The following PKHD1 variants were observed in gnomAD, a reference collection of about 807,000 sequenced individuals.
The protein encoded by PKHD1 is PKHD1 ciliary IPT domain containing fibrocystin/polyductin, also known as fibrocystin.
A neutral mutation model predicts 412.0 loss-of-function variants in PKHD1; 291 were observed. That is an observed-to-expected ratio of 0.71 (90% CI 0.64 to 0.78). The LOEUF (loss-of-function observed/expected upper bound fraction) is 0.78, where lower values mean the gene tolerates loss of function less well. PKHD1 is among the 30% of genes least tolerant of loss of function. PKHD1 has a pLI of 0.00. For synonymous variants in PKHD1, 1,777 were observed against 1,821.5 expected, an observed-to-expected ratio of 0.98 and a Z score of 0.62; for missense variants, 4,825 against 4,950.7, an observed-to-expected ratio of 0.97 and a Z score of 0.76.
At chr6:51,671,807 G>A (rs548612419) in intron 60 of PKHD1, among the ~76,000 whole-genome samples, 8 of 152,258 alleles carry the variant, frequency 5.3e-5, no homozygotes, top group South Asian at 4.1e-4. Context: ...GTACCCGCCC[G>A]TGTGAGGTGT....
intron 60 of PKHD1, among the ~76,000 whole-genome samples, chr6:51,668,968 T>C (rs1284153281): frequency 6.6e-6 from 1 of 152,254 alleles, no homozygotes; most frequent in East Asian, 1.9e-4. Flanking sequence ...TTGAGGATTT[T>C]TGCATCAATG....
intron 40 of PKHD1, 137 bp downstream of exon 40, chr6:51,909,146 C>A: frequency 2.6e-6 from 2 of 755,592 alleles, no homozygotes. Flanking sequence ...GTTTGGGAAC[C>A]ATAGACCTAG....
chr6:51,769,136 CTTTT>C (rs1789626293), intron 55 of PKHD1, among the ~76,000 whole-genome samples: 5 of 150,970 alleles, frequency 3.3e-5, no homozygotes, highest in Non-Finnish European at 7.4e-5. Flanking sequence ...TCTCAGTTTT[CTTTT>C]TTGAGTTATT....
chr6:51,856,218 T>A, intron 48 of PKHD1, 148 bp from the exon 49 acceptor site: 1 of 677,822 alleles, frequency 1.5e-6, no homozygotes, highest in Non-Finnish European at 2.7e-6. Flanking sequence ...TCTAGGGAGG[T>A]TTTAGCAGTC....
At chr6:51,742,244 G>A (rs564243699) in intron 60 of PKHD1, among the ~76,000 whole-genome samples, 3 of 152,218 alleles carry the variant, frequency 2.0e-5, no homozygotes, top group East Asian at 1.9e-4. Context: ...ACATTAAAAC[G>A]AACATTTATT....
intron 50 of PKHD1, among the ~76,000 whole-genome samples, chr6:51,837,440 C>T (rs1220508816): frequency 1.3e-5 from 2 of 152,188 alleles, no homozygotes; most frequent in East Asian, 3.9e-4. Context: ...GGCGCTGTGG[C>T]TCATGCCTGT....
chr6:51,658,587 T>G (rs1410405518), intron 61 of PKHD1, among the ~76,000 whole-genome samples: 2 of 152,104 alleles, frequency 1.3e-5, no homozygotes, highest in African/African-American at 2.4e-5. Context: ...AACATCTATT[T>G]CACTTTACCA....
At chr6:52,009,798 C>T (rs552189758) in intron 35 of PKHD1, among the ~76,000 whole-genome samples, 31 of 152,138 alleles carry the variant, frequency 2.0e-4, no homozygotes, top group Middle Eastern at 3.4e-3. Context: ...AGAGGCTAGA[C>T]CGAATGACCC....
intron 34 of PKHD1, among the ~76,000 whole-genome samples, chr6:52,016,947 G>C (rs1040571462): frequency 1.6e-4 from 25 of 152,172 alleles, no homozygotes. Context: ...TAGATCTACA[G>C]TAATTCCGCC....
rs539340450 is a variant in PKHD1, at chr6:51,983,634, A to G, written c.5752-23608T>C. 1.9e-3 allele frequency among the ~76,000 whole-genome samples: 295 copies of G among 152,386 alleles called. 2 individuals are homozygous for G. The highest frequency in any genetic ancestry group is 6.6e-3 in the African/African-American group (273 of 41,590). ...AAACAAACTCGAAGCGGAGGTGAAG[A>G]AAGCAGGGGGAGGAAAAGCAATGTT... On this transcript the variant is annotated intron_variant, in intron 35 of 66. Transcript: ENST00000371117.
chr6:51,727,326 TG>T (rs1258289827), intron 60 of PKHD1, among the ~76,000 whole-genome samples: 1 of 152,222 alleles, frequency 6.6e-6, no homozygotes, highest in African/African-American at 2.4e-5. Context: ...CCTCAATTTC[TG>T]CCTCCTCAGA....
At chr6:51,921,810 T>A (rs949107420) in intron 37 of PKHD1, among the ~76,000 whole-genome samples, 7 of 152,212 alleles carry the variant, frequency 4.6e-5, no homozygotes, top group African/African-American at 1.7e-4. Flanking sequence ...ATGCTGTTTA[T>A]TCTAGTTAGC....
intron 60 of PKHD1, among the ~76,000 whole-genome samples, chr6:51,674,243 A>T (rs1775478557): frequency 6.6e-6 from 1 of 152,208 alleles, no homozygotes; most frequent in East Asian, 1.9e-4. Flanking sequence ...ATGGTTGCTT[A>T]GGAGAGCTGT....
chr6:51,743,379 C>T (rs1254367036), intron 60 of PKHD1, among the ~76,000 whole-genome samples: 2 of 151,982 alleles, frequency 1.3e-5, no homozygotes, highest in East Asian at 3.9e-4. Context: ...AATGGTGGCA[C>T]CAATTACTGA....
chr6:51,870,921 GA>G (rs575047463), intron 46 of PKHD1, among the ~76,000 whole-genome samples: 11 of 147,110 alleles, frequency 7.5e-5, no homozygotes, highest in Non-Finnish European at 1.1e-4. Flanking sequence ...AATAAGCACA[GA>G]AAAAAAAAAT....
chr6:51,664,342 G>T (rs56990717), intron 60 of PKHD1, among the ~76,000 whole-genome samples: 32,356 of 152,120 alleles, frequency 0.21, 4,377 homozygotes, highest in African/African-American at 0.37. Flanking sequence ...GACAGAGGGA[G>T]AAAAGGGTTT....
chr6:51,720,500 T>C (rs377035138), intron 60 of PKHD1, among the ~76,000 whole-genome samples: 1 of 152,062 alleles, frequency 6.6e-6, no homozygotes, highest in Non-Finnish European at 1.5e-5. Context: ...CAGCTGTGAG[T>C]GGAAGTGGAA....
chr6:51,864,392 T>C (rs945588769), intron 48 of PKHD1, among the ~76,000 whole-genome samples: 14 of 152,158 alleles, frequency 9.2e-5, no homozygotes, highest in African/African-American at 2.9e-4. Context: ...GCTAAGTGGC[T>C]GTTGTGGTTC....
chr6:51,870,151 A>C (rs1331211100), intron 47 of PKHD1, among the ~76,000 whole-genome samples: 2 of 152,166 alleles, frequency 1.3e-5, no homozygotes. Flanking sequence ...CCATTCTTTC[A>C]TTTAATCAAT....
Sources: allele counts gnomAD v4.1 joint callset (sites outside exome capture counted in the v4.1 genomes callset), GRCh38; gene constraint gnomAD v4.1.1; transcripts MANE v1.5; gene names NCBI Gene and HGNC (gene_info 2026-07-23, HGNC 2026-07-21).